Variants in RAB28 observed in about 807,000 individuals in gnomAD.
RAB28 encodes RAB28, member RAS oncogene family.
A neutral mutation model predicts 31.7 loss-of-function variants in RAB28; 24 were observed. The observed-to-expected ratio is 0.76, with a 90% CI of 0.55 to 1.06. RAB28 has a LOEUF of 1.06. RAB28 is among the 50% of genes least tolerant of loss of function. The probability of loss-of-function intolerance (pLI) is 0.00; values close to 1 mark genes in which losing one functional copy is unlikely to be tolerated. For missense variants in RAB28, 254 were observed against 258.5 expected (o/e 0.98, Z 0.12); for synonymous variants, 100 against 90.4 (o/e 1.11, Z -0.60).
intron 4 of RAB28, among the ~76,000 whole-genome samples, chr4:13,428,321 C>A (rs1032927979): frequency 1.3e-5 from 2 of 151,978 alleles, no homozygotes; most frequent in Admixed American, 6.6e-5. Flanking sequence ...TGAAAACAAG[C>A]CTTAAAGTAT....
intron 3 of RAB28, among the ~76,000 whole-genome samples, chr4:13,468,572 G>GC (rs1431264273): frequency 6.6e-6 from 1 of 151,224 alleles, no homozygotes; most frequent in Non-Finnish European, 1.5e-5. Flanking sequence ...TACAGCAAAA[G>GC]CAGTGCTTAG....
At chr4:13,417,570 G>A (rs1442323915) in intron 4 of RAB28, among the ~76,000 whole-genome samples, 1 of 152,196 alleles carries the variant, frequency 6.6e-6, no homozygotes, top group Non-Finnish European at 1.5e-5. Context: ...AATATTTGCT[G>A]TTCTGCAGCC....
At chr4:13,407,575 T>G (rs374915147) in intron 4 of RAB28, among the ~76,000 whole-genome samples, 1 of 152,220 alleles carries the variant, frequency 6.6e-6, no homozygotes, top group African/African-American at 2.4e-5. Context: ...GGGGATGGCA[T>G]TGAATCTATA....
chr4:13,378,269 G>C (rs894238376), intron 5 of RAB28, among the ~76,000 whole-genome samples: 1 of 152,158 alleles, frequency 6.6e-6, no homozygotes, highest in Non-Finnish European at 1.5e-5. Flanking sequence ...TAAGTGCAGA[G>C]AGTATTTCAA....
chr4:13,402,860 T>C lies in RAB28; in HGVS notation c.392-21266A>G, dbSNP rs372791527. The stretch of plus-strand genomic sequence containing the variant: ...CCCAGGCTGAAGTACAATGGCGTGA[T>C]CACGGCTCACTGCAGCCTTTGCCTC... On this transcript the variant is annotated intron_variant, in intron 4 of 6. Coordinates refer to ENST00000330852, the MANE Select transcript of RAB28 (RefSeq NM_001017979.3). 2.5e-4 allele frequency among the ~76,000 whole-genome samples: 38 copies of C among 152,270 alleles called. No individual in the cohort carries two copies. In the South Asian group the frequency reaches 6.8e-3, roughly 27 times the overall value.
At chr4:13,446,739 C>A (rs1370952785) in intron 4 of RAB28, among the ~76,000 whole-genome samples, 1 of 152,098 alleles carries the variant, frequency 6.6e-6, no homozygotes, top group Non-Finnish European at 1.5e-5. Context: ...GCGGAAATCA[C>A]CCACCTTCTG....
At chr4:13,387,863 G>T (rs570903827) in intron 4 of RAB28, among the ~76,000 whole-genome samples, 2 of 151,986 alleles carry the variant, frequency 1.3e-5, no homozygotes, top group African/African-American at 4.8e-5. Flanking sequence ...TGCTTCTAAA[G>T]ACATTGTCCA....
intron 4 of RAB28, among the ~76,000 whole-genome samples, chr4:13,396,916 T>C (rs1391848911): frequency 1.3e-5 from 2 of 152,114 alleles, no homozygotes; most frequent in Non-Finnish European, 2.9e-5. Flanking sequence ...AGTCAAATAT[T>C]CTGAGATAAT....
intron 3 of RAB28, among the ~76,000 whole-genome samples, chr4:13,463,028 T>C (rs980063368): frequency 6.6e-6 from 1 of 152,194 alleles, no homozygotes; most frequent in Non-Finnish European, 1.5e-5. Context: ...ACTTTTAAAA[T>C]ACCTGATATG....
intron 3 of RAB28, among the ~76,000 whole-genome samples, chr4:13,463,106 T>C (rs1006524059): frequency 1.3e-5 from 2 of 152,184 alleles, no homozygotes; most frequent in Non-Finnish European, 2.9e-5. Context: ...CAATTGTAGA[T>C]TTTTCTTGTT....
chr4:13,371,500 T>C, intron 6 of RAB28: 2 of 985,312 alleles, frequency 2.0e-6, no homozygotes, highest in Middle Eastern at 5.2e-4. Flanking sequence ...TTGGTCCAAG[T>C]ACTGACTAAT....
At chr4:13,455,661 C>A (rs1036157186) in intron 4 of RAB28, among the ~76,000 whole-genome samples, 7 of 152,182 alleles carry the variant, frequency 4.6e-5, no homozygotes, top group South Asian at 2.1e-4. Context: ...GCTAGTAATC[C>A]GGAGCAAGGC....
At chr4:13,439,442 C>A (rs1163012285) in intron 4 of RAB28, among the ~76,000 whole-genome samples, 1 of 151,184 alleles carries the variant, frequency 6.6e-6, no homozygotes. Flanking sequence ...GCAACCTCCA[C>A]CTCCCAGGCT....
At chr4:13,439,181 C>G (rs1056775124) in intron 4 of RAB28, among the ~76,000 whole-genome samples, 4 of 152,180 alleles carry the variant, frequency 2.6e-5, no homozygotes, top group Non-Finnish European at 5.9e-5. Flanking sequence ...ACTCATCAGA[C>G]ATGATTTGTA....
chr4:13,414,782 T>C (rs960153618), intron 4 of RAB28, among the ~76,000 whole-genome samples: 2 of 152,246 alleles, frequency 1.3e-5, no homozygotes, highest in African/African-American at 2.4e-5. Context: ...GGTTTAACAT[T>C]AGATCTTTTT....
intron 4 of RAB28, among the ~76,000 whole-genome samples, chr4:13,397,966 ACAC>A (rs1711519909): frequency 6.6e-6 from 1 of 152,002 alleles, no homozygotes; most frequent in East Asian, 1.9e-4. Flanking sequence ...AGTCACCAAA[ACAC>A]CACCAAGAGC....
At chr4:13,415,538 G>A (rs1436596982) in intron 4 of RAB28, among the ~76,000 whole-genome samples, 1 of 152,152 alleles carries the variant, frequency 6.6e-6, no homozygotes, top group Non-Finnish European at 1.5e-5. Flanking sequence ...TAGCACCCAG[G>A]CCAGTGGCTG....
At chr4:13,382,860 G>A (rs1000592774) in intron 4 of RAB28, among the ~76,000 whole-genome samples, 7 of 151,668 alleles carry the variant, frequency 4.6e-5, no homozygotes, top group South Asian at 2.1e-4. Flanking sequence ...CACCACGCCC[G>A]GCTAATTTTT....
At chr4:13,484,011 G>A in intron 1 of RAB28, 65 bp downstream of exon 1, 2 of 1,443,788 alleles carry the variant, frequency 1.4e-6, no homozygotes, top group Non-Finnish European at 1.9e-6. Flanking sequence ...CGGGCGGCGG[G>A]GAGGAGGCCG....
Sources: gnomAD v4.1 joint callset for allele counts (sites outside exome capture counted in the v4.1 genomes callset) on GRCh38, gnomAD v4.1.1 for gene constraint, MANE v1.5 for transcripts, NCBI Gene and HGNC (gene_info 2026-07-23, HGNC 2026-07-21) for gene names.